The following CNTNAP5 variants were observed in gnomAD, a reference collection of about 807,000 sequenced individuals.
CNTNAP5 encodes contactin-associated protein-like 5.
Under a neutral mutation model 150.2 loss-of-function variants are expected in CNTNAP5, and 72 were observed. The observed-to-expected ratio is 0.48, with a 90% CI of 0.40 to 0.58. CNTNAP5 has a LOEUF of 0.58. CNTNAP5 is among the 20% of genes least tolerant of loss of function. The pLI is 0.00. For missense variants in CNTNAP5, 1,636 were observed against 1,626.2 expected, an observed-to-expected ratio of 1.01 and a Z score of -0.10; for synonymous variants, 672 against 619.8, an observed-to-expected ratio of 1.08 and a Z score of -1.25.
At chr2:124,217,429 G>A (rs1463299330) in intron 1 of CNTNAP5, among the ~76,000 whole-genome samples, 4 of 152,156 alleles carry the variant, frequency 2.6e-5, no homozygotes, top group Non-Finnish European at 5.9e-5. Flanking sequence ...TTTGCTTATT[G>A]AAGGCTGCAG....
At chr2:124,602,684 G>T (rs1697012845) in intron 11 of CNTNAP5, among the ~76,000 whole-genome samples, 3 of 152,078 alleles carry the variant, frequency 2.0e-5, no homozygotes, top group Non-Finnish European at 4.4e-5. Flanking sequence ...TAAAAACGGG[G>T]ATCTAACTAT....
At chr2:124,168,573 C>T (rs1684859353) in intron 1 of CNTNAP5, among the ~76,000 whole-genome samples, 2 of 152,114 alleles carry the variant, frequency 1.3e-5, no homozygotes, top group Admixed American at 1.3e-4. Flanking sequence ...CAAAATATCC[C>T]CTTAATACTT....
At chr2:124,847,954 A>AT in intron 19 of CNTNAP5, among the ~76,000 whole-genome samples, 1 of 152,170 alleles carries the variant, frequency 6.6e-6, no homozygotes. Context: ...AAAAATATTT[A>AT]TTTTTAAAAA....
At chr2:124,210,412 C>T (rs1685976045) in intron 1 of CNTNAP5, among the ~76,000 whole-genome samples, 1 of 152,106 alleles carries the variant, frequency 6.6e-6, no homozygotes, top group African/African-American at 2.4e-5. Context: ...GTCAATAGAC[C>T]TAGAAATATT....
chr2:124,762,983 G>T (rs1038855458), intron 14 of CNTNAP5, among the ~76,000 whole-genome samples: 1 of 152,048 alleles, frequency 6.6e-6, no homozygotes, highest in African/African-American at 2.4e-5. Flanking sequence ...TCAGCCAAAT[G>T]ATGTGGCCCT....
intron 1 of CNTNAP5, among the ~76,000 whole-genome samples, chr2:124,066,343 T>C (rs1682153722): frequency 6.6e-6 from 1 of 152,250 alleles, no homozygotes; most frequent in South Asian, 2.1e-4. Context: ...AAATCTAATG[T>C]AGACTTCATT....
intron 3 of CNTNAP5, among the ~76,000 whole-genome samples, chr2:124,336,863 G>A (rs1689485681): frequency 6.6e-6 from 1 of 152,094 alleles, no homozygotes; most frequent in African/African-American, 2.4e-5. Flanking sequence ...ACAGCAGCAT[G>A]ATTTATAATC....
intron 13 of CNTNAP5, among the ~76,000 whole-genome samples, chr2:124,730,215 G>A (rs970641753): frequency 3.3e-5 from 5 of 151,888 alleles, no homozygotes; most frequent in African/African-American, 1.2e-4. Context: ...TAAATCTTAG[G>A]TAAAAAATGT....
At chr2:124,585,549 C>T (rs1399606925) in intron 11 of CNTNAP5, among the ~76,000 whole-genome samples, 5 of 151,522 alleles carry the variant, frequency 3.3e-5, no homozygotes, top group African/African-American at 1.2e-4. Flanking sequence ...CTTGGTCTTA[C>T]AGGGAGGGGA....
chr2:124,567,105 T>C (rs1696041518), intron 11 of CNTNAP5, among the ~76,000 whole-genome samples: 1 of 152,120 alleles, frequency 6.6e-6, no homozygotes, highest in African/African-American at 2.4e-5. Flanking sequence ...TTCCCCCTCA[T>C]TGTTGGTGCT....
intron 11 of CNTNAP5, among the ~76,000 whole-genome samples, chr2:124,601,788 C>T (rs892877896): frequency 6.6e-6 from 1 of 152,200 alleles, no homozygotes; most frequent in African/African-American, 2.4e-5. Flanking sequence ...AATTATTAAA[C>T]TGTAGTATGT....
At chr2:124,688,730 A>G (rs1160287471) in intron 13 of CNTNAP5, among the ~76,000 whole-genome samples, 1 of 152,114 alleles carries the variant, frequency 6.6e-6, no homozygotes, top group Non-Finnish European at 1.5e-5. Flanking sequence ...GGACCTTTTA[A>G]GCAATAATGT....
chr2:124,350,786 G>A (rs1689858674), intron 3 of CNTNAP5, among the ~76,000 whole-genome samples: 4 of 151,892 alleles, frequency 2.6e-5, no homozygotes, highest in Non-Finnish European at 4.4e-5. Flanking sequence ...AAAATTCTTG[G>A]ACCCAGAATG....
chr2:124,876,320 C>T (rs1016626773), intron 21 of CNTNAP5, among the ~76,000 whole-genome samples: 1 of 151,768 alleles, frequency 6.6e-6, no homozygotes, highest in East Asian at 1.9e-4. Context: ...GATAGTTCAG[C>T]GTTAATTGCA....
At chr2:124,423,820 A>G (rs1275824419) in intron 4 of CNTNAP5, among the ~76,000 whole-genome samples, 11 of 139,956 alleles carry the variant, frequency 7.9e-5, no homozygotes, top group Middle Eastern at 3.6e-3. Flanking sequence ...GCCCGCTACC[A>G]CGCCCGGCTA....
At chr2:124,872,492 C>T (rs990860712) in intron 21 of CNTNAP5, among the ~76,000 whole-genome samples, 5 of 148,168 alleles carry the variant, frequency 3.4e-5, no homozygotes, top group Non-Finnish European at 7.4e-5. Flanking sequence ...AGACACTCTC[C>T]TCAAAATAAG....
At chr2:124,861,298 C>T (rs555023633) in intron 19 of CNTNAP5, among the ~76,000 whole-genome samples, 4 of 151,936 alleles carry the variant, frequency 2.6e-5, no homozygotes, top group East Asian at 1.9e-4. Context: ...GCTGGCCAGG[C>T]GTGGTGGCTC....
At chr2:124,806,164 G>A (rs187946853) in intron 19 of CNTNAP5, among the ~76,000 whole-genome samples, 124 of 152,254 alleles carry the variant, frequency 8.1e-4, no homozygotes, top group Non-Finnish European at 1.4e-3. Context: ...TCTTTGTAAC[G>A]TCAGTGTGAG....
intron 11 of CNTNAP5, among the ~76,000 whole-genome samples, chr2:124,606,320 C>T (rs1051033219): frequency 1.3e-5 from 2 of 151,454 alleles, no homozygotes; most frequent in African/African-American, 4.9e-5. Flanking sequence ...ATAAAAAGGG[C>T]TAAATTCCCA....
Sources: gnomAD v4.1 joint callset for allele counts (sites outside exome capture counted in the v4.1 genomes callset) on GRCh38, gnomAD v4.1.1 for gene constraint, MANE v1.5 for transcripts, NCBI Gene and HGNC (gene_info 2026-07-23, HGNC 2026-07-21) for gene names.